The following HPSE2 variants were observed in gnomAD, a reference collection of about 807,000 sequenced individuals.
The protein encoded by HPSE2 is inactive heparanase-2.
A neutral mutation model predicts 60.5 loss-of-function variants in HPSE2; 38 were observed. That is an observed-to-expected ratio of 0.63 (90% CI 0.48 to 0.82). The LOEUF is 0.82. Among genes scored for constraint, HPSE2 ranks in the 40% least tolerant of loss-of-function variants. The pLI, the probability that HPSE2 is intolerant of heterozygous loss-of-function variation, is 0.00. For missense variants in HPSE2, 713 were observed against 740.4 expected, an observed-to-expected ratio of 0.96 and a Z score of 0.43; for synonymous variants, 295 against 293.2, an observed-to-expected ratio of 1.01 and a Z score of -0.06.
chr10:99,143,570 C>A (rs1445745316), intron 3 of HPSE2, among the ~76,000 whole-genome samples: 1 of 152,162 alleles, frequency 6.6e-6, no homozygotes, highest in Non-Finnish European at 1.5e-5. Flanking sequence ...CTGAGTTCAT[C>A]TCAAATCCTT....
At chr10:98,476,544 C>T (rs1941029154) in intron 11 of HPSE2, among the ~76,000 whole-genome samples, 1 of 151,770 alleles carries the variant, frequency 6.6e-6, no homozygotes, top group African/African-American at 2.4e-5. Flanking sequence ...TAATCCAGCA[C>T]TTTGGGAGGC....
chr10:99,243,352 CAA>C, the HPSE2 span, among the ~76,000 whole-genome samples: 3 of 121,510 alleles, frequency 2.5e-5, no homozygotes, highest in Non-Finnish European at 3.5e-5. Flanking sequence ...GACTCTGTCT[CAA>C]AAAAAAAAAA....
chr10:98,983,633 G>A (rs1956261209), intron 3 of HPSE2, among the ~76,000 whole-genome samples: 1 of 152,184 alleles, frequency 6.6e-6, no homozygotes, highest in African/African-American at 2.4e-5. Flanking sequence ...TCCCAGGTTG[G>A]GGGTCTTTTG....
intron 6 of HPSE2, among the ~76,000 whole-genome samples, chr10:98,670,206 G>C (rs1384494024): frequency 6.6e-6 from 1 of 152,150 alleles, no homozygotes; most frequent in Non-Finnish European, 1.5e-5. Flanking sequence ...CCACTCTAAG[G>C]GCTTTGGTTC....
At chr10:99,206,694 A>C (rs1848760741) in intron 2 of HPSE2, among the ~76,000 whole-genome samples, 1 of 152,086 alleles carries the variant, frequency 6.6e-6, no homozygotes. Context: ...CCAAAATTAT[A>C]AGTATAATGA....
At chr10:98,904,149 G>C (rs1224974726) in intron 3 of HPSE2, among the ~76,000 whole-genome samples, 1 of 152,016 alleles carries the variant, frequency 6.6e-6, no homozygotes, top group African/African-American at 2.4e-5. Flanking sequence ...TCATTGATTT[G>C]TTAACTTTCT....
intron 3 of HPSE2, among the ~76,000 whole-genome samples, chr10:98,896,398 T>G (rs1953493782): frequency 6.6e-6 from 1 of 152,204 alleles, no homozygotes; most frequent in Admixed American, 6.6e-5. Context: ...CCAGAGATTC[T>G]ATATTCAACA....
Position 98,731,492 on chromosome 10 carries a change from T to C in HPSE2, c.785-9664A>G, listed in dbSNP as rs552053935. On this transcript the variant is annotated intron_variant, in intron 4 of 11. Coordinates refer to ENST00000370552, the MANE Select transcript of HPSE2 (RefSeq NM_021828.5). Reference sequence around the variant, plus strand: ...CCTTTTAACTAATGTAAAATACCATTGTAATAGAACAAAAGACCAAAACTA... The same window carrying C: ...CCTTTTAACTAATGTAAAATACCATCGTAATAGAACAAAAGACCAAAACTA... Among the ~76,000 whole-genome samples the C allele has an allele frequency of 1.3e-4, 20 of 152,314 alleles. No individual in the cohort carries two copies. The East Asian group carries it at 1.5e-3, about 12-fold the overall frequency.
At chr10:99,132,236 AG>A (rs1329235095) in intron 3 of HPSE2, among the ~76,000 whole-genome samples, 16 of 59,078 alleles carry the variant, frequency 2.7e-4, no homozygotes, top group Non-Finnish European at 7.1e-4. Context: ...AGAGAGAGAG[AG>A]AGAGAGAAAG....
intron 6 of HPSE2, among the ~76,000 whole-genome samples, chr10:98,671,023 T>G (rs965517286): frequency 2.6e-5 from 4 of 152,204 alleles, no homozygotes; most frequent in African/African-American, 9.7e-5. Flanking sequence ...AGAATCGTGT[T>G]GGTGTTAAAA....
chr10:98,508,589 G>A (rs1429614630), intron 9 of HPSE2, among the ~76,000 whole-genome samples: 4 of 152,164 alleles, frequency 2.6e-5, no homozygotes, highest in African/African-American at 4.8e-5. Context: ...CTTAATTTTC[G>A]TAGTGCTAAT....
intron 9 of HPSE2, among the ~76,000 whole-genome samples, chr10:98,524,174 T>A (rs1163810112): frequency 1.3e-5 from 2 of 152,218 alleles, no homozygotes; most frequent in Non-Finnish European, 2.9e-5. Flanking sequence ...TCAATAATTT[T>A]ATCTTTGAAC....
chr10:99,270,640 C>T, the HPSE2 span, among the ~76,000 whole-genome samples: 1 of 152,082 alleles, frequency 6.6e-6, no homozygotes, highest in Non-Finnish European at 1.5e-5. Context: ...TTCTATGAAG[C>T]CAGTATCACC....
intron 3 of HPSE2, among the ~76,000 whole-genome samples, chr10:99,075,024 T>A (rs1471071721): frequency 6.6e-6 from 1 of 152,150 alleles, no homozygotes; most frequent in Non-Finnish European, 1.5e-5. Context: ...TGGTCTCTTC[T>A]ATTCTCTATT....
chr10:98,739,593 C>G (rs747187596), intron 4 of HPSE2, among the ~76,000 whole-genome samples: 6 of 152,160 alleles, frequency 3.9e-5, no homozygotes, highest in Non-Finnish European at 7.4e-5. Flanking sequence ...GAATCATCAT[C>G]TCTGACTTTC....
chr10:99,261,105 A>T, the HPSE2 span, among the ~76,000 whole-genome samples: 1 of 152,120 alleles, frequency 6.6e-6, no homozygotes, highest in Non-Finnish European at 1.5e-5. Flanking sequence ...TCTTTTACAC[A>T]TTGGTCCCTC....
chr10:99,022,252 A>G (rs544024184), intron 3 of HPSE2, among the ~76,000 whole-genome samples: 2 of 152,092 alleles, frequency 1.3e-5, no homozygotes, highest in Non-Finnish European at 1.5e-5. Flanking sequence ...GAAGAAAAGA[A>G]AACTGGACCA....
chr10:99,174,816 G>T (rs1205528117), intron 2 of HPSE2, among the ~76,000 whole-genome samples: 11 of 152,204 alleles, frequency 7.2e-5, no homozygotes, highest in Non-Finnish European at 1.0e-4. Context: ...TAAAAGAAGA[G>T]GGAGAGAAGA....
intron 2 of HPSE2, among the ~76,000 whole-genome samples, chr10:99,175,065 G>A (rs1483056341): frequency 6.6e-6 from 1 of 152,112 alleles, no homozygotes; most frequent in African/African-American, 2.4e-5. Context: ...GTGCCGTGAG[G>A]AACAGTGCAT....
Sources: gnomAD v4.1 joint callset for allele counts (sites outside exome capture counted in the v4.1 genomes callset) on GRCh38, gnomAD v4.1.1 for gene constraint, MANE v1.5 for transcripts, NCBI Gene and HGNC (gene_info 2026-07-23, HGNC 2026-07-21) for gene names.